The following PLEKHA8 variants were observed in gnomAD, a reference collection of about 807,000 sequenced individuals.
PLEKHA8 encodes the protein pleckstrin homology domain-containing family A member 8.
In PLEKHA8, 36 loss-of-function variants were observed where a neutral mutation model predicts 68.2. The ratio of observed to expected loss-of-function variants is 0.53; its 90% confidence interval spans 0.40 to 0.70. The LOEUF is 0.70. Ranked by LOEUF, PLEKHA8 falls within the 30% of genes least tolerant of loss-of-function variation. PLEKHA8 has a pLI of 0.00. For missense variants in PLEKHA8, 505 were observed against 615.4 expected (o/e 0.82, Z 1.90); for synonymous variants, 211 against 216.1 (o/e 0.98, Z 0.20).
At chr7:30,035,882 G>A (rs1335252575) in intron 1 of PLEKHA8, among the ~76,000 whole-genome samples, 1 of 151,732 alleles carries the variant, frequency 6.6e-6, no homozygotes, top group Non-Finnish European at 1.5e-5. Context: ...TCCTGACCTC[G>A]TGATCCACCC....
intron 13 of PLEKHA8, among the ~76,000 whole-genome samples, chr7:30,120,157 A>T (rs56204228): frequency 0.024 from 3,257 of 136,190 alleles, 42 homozygotes; most frequent in East Asian, 0.043. Context: ...ACAAATAATT[A>T]AAAAAAAAAA....
rs1275433378 is a variant in PLEKHA8 at position 30,083,489 on chromosome 7, G to A, written c.*4702G>A. On this transcript the variant is annotated 3_prime_UTR_variant, in exon 14 of 14. Transcript: ENST00000449726. ...TGTCTCAGACAGTCAATAGTCCTGT[G>A]TACAGTGACTATTTGCATGATTTCT... 1 of 984,580 alleles carries A rather than the reference G, an allele frequency of 1.0e-6. No individual in the cohort carries two copies. Among genetic ancestry groups the A allele is most frequent in the African/African-American group, 1.7e-5 (1 of 57,194 alleles). The allele number at this position is 984,580 out of a possible 1,614,324, so 61.0% of individuals were successfully genotyped here.
intron 13 of PLEKHA8, among the ~76,000 whole-genome samples, chr7:30,099,693 G>A (rs781504772): frequency 3.9e-5 from 6 of 152,308 alleles, no homozygotes; most frequent in Admixed American, 6.5e-5. Context: ...ATGCTGGACC[G>A]TAAAACAAAT....
At chr7:30,050,991 G>A (rs1393520587) in intron 6 of PLEKHA8, among the ~76,000 whole-genome samples, 2 of 151,900 alleles carry the variant, frequency 1.3e-5, no homozygotes, top group Admixed American at 6.6e-5. Context: ...CCTCAACATC[G>A]TGGGCCCAAG....
intron 13 of PLEKHA8, among the ~76,000 whole-genome samples, chr7:30,120,174 A>AAAC (rs1303379164): frequency 2.0e-5 from 3 of 151,816 alleles, no homozygotes; most frequent in African/African-American, 7.3e-5. Flanking sequence ...AAAAAACAAA[A>AAAC]AAAAAAACAG....
chr7:30,129,421 C>T, exon 14 of PLEKHA8: 1 of 1,172,602 alleles, frequency 8.5e-7, no homozygotes. Flanking sequence ...CACTGCCCAC[C>T]TCCAGATCTC....
At chr7:30,092,868 G>C (rs113215411), downstream of PLEKHA8, among the ~76,000 whole-genome samples, 1 of 152,286 alleles carries the variant, frequency 6.6e-6, no homozygotes, top group African/African-American at 2.4e-5. Context: ...ATAGAGATAC[G>C]ACATTTAGTC....
Position 30,079,020 on chromosome 7 carries a change from G to GTC in PLEKHA8, c.*233_*234insTC. On this transcript the variant is annotated 3_prime_UTR_variant, in exon 14 of 14. Coordinates refer to ENST00000449726, the MANE Select transcript of PLEKHA8 (RefSeq NM_001197026.2). ...AGGCCTACTGGAAACCAAATGATAA[G>GTC]CTGCTGTAGACTTGAACAGCAAGTT... is the stretch of plus-strand genomic sequence containing the variant. 1 of 1,297,276 alleles carries GTC rather than the reference G, an allele frequency of 7.7e-7. No individual in the cohort carries two copies. The highest frequency in any genetic ancestry group is 2.3e-5 in the South Asian group (1 of 43,374). The allele number at this position is 1,297,276 out of a possible 1,614,324, so 80.4% of individuals were successfully genotyped here. A position where few individuals can be genotyped will look rare whatever the true frequency, so the allele number is the denominator to read the frequency against.
At position 30,082,472 on chromosome 7, in the gene PLEKHA8, G is replaced by A; in HGVS notation, c.*3685G>A. 1.0e-6 allele frequency: 1 copy of A among 985,394 alleles called. No homozygotes were observed. The highest frequency in any genetic ancestry group is 1.7e-5 in the African/African-American group (1 of 57,342). 61.0% of individuals were successfully genotyped at this position (985,394 alleles called of 1,614,324 possible). On this transcript the variant is annotated 3_prime_UTR_variant, in exon 14 of 14. Transcript: ENST00000449726. Reference sequence around the variant, plus strand: ...CCAGACTGCAAGAGCTTCTTAAGAAGGAGCCCATATTCCCATTTGTAGCTG... The same window carrying A: ...CCAGACTGCAAGAGCTTCTTAAGAAAGAGCCCATATTCCCATTTGTAGCTG...
chr7:30,104,738 T>TTC (rs1795996917), intron 13 of PLEKHA8, among the ~76,000 whole-genome samples: 1 of 146,684 alleles, frequency 6.8e-6, no homozygotes, highest in Non-Finnish European at 1.5e-5. Context: ...TTTTTTTTTT[T>TTC]CTGAGGCAGA....
At chr7:30,123,799 G>C (rs1356689770) in intron 13 of PLEKHA8, among the ~76,000 whole-genome samples, 1 of 152,186 alleles carries the variant, frequency 6.6e-6, no homozygotes, top group Non-Finnish European at 1.5e-5. Context: ...TGGGCACCTA[G>C]ATTTAGCCAT....
chr7:30,041,090 C>G (rs1439973185), intron 1 of PLEKHA8, among the ~76,000 whole-genome samples: 1 of 152,194 alleles, frequency 6.6e-6, no homozygotes, highest in Non-Finnish European at 1.5e-5. Flanking sequence ...ATTCATCATT[C>G]CTGGGCTGTA....
intron 13 of PLEKHA8, chr7:30,115,885 CAT>C (rs1227121669): frequency 1.2e-4 from 18 of 144,310 alleles, no homozygotes; most frequent in South Asian, 4.4e-4. Context: ...GGCACGCATA[CAT>C]GCGTATACAT....
chr7:30,122,956 A>G (rs1796717621), intron 13 of PLEKHA8, among the ~76,000 whole-genome samples: 1 of 152,192 alleles, frequency 6.6e-6, no homozygotes, highest in Non-Finnish European at 1.5e-5. Context: ...CTCAGCTATC[A>G]TGAAACCCAC....
rs2128001090 is a variant in PLEKHA8 at position 30,083,029 on chromosome 7, T to C, written c.*4242T>C. 1.0e-6 allele frequency: 1 copy of C among 984,006 alleles called. No homozygotes were observed. The highest frequency in any genetic ancestry group is 5.3e-4 in the Middle Eastern group (1 of 1,904). The allele number at this position is 984,006 out of a possible 1,614,324, so 61.0% of individuals were successfully genotyped here. A position where few individuals can be genotyped will look rare whatever the true frequency, so the allele number is the denominator to read the frequency against. On this transcript the variant is annotated 3_prime_UTR_variant, in exon 14 of 14. Transcript: ENST00000449726. ...AGCTCTCCCTCATGTTTCATTTCTTTTTTTAAGATAATCTATCAACCTTTT... is the reference window on the plus strand; with the variant it reads ...AGCTCTCCCTCATGTTTCATTTCTTCTTTTAAGATAATCTATCAACCTTTT...
chr7:30,057,941 TG>T (rs1793126705), intron 9 of PLEKHA8, among the ~76,000 whole-genome samples: 1 of 152,246 alleles, frequency 6.6e-6, no homozygotes, highest in Non-Finnish European at 1.5e-5. Flanking sequence ...GTATTTTAGT[TG>T]TTTGACTTCT....
chr7:30,128,288 G>A (rs1796816234), intron 13 of PLEKHA8, among the ~76,000 whole-genome samples: 1 of 151,720 alleles, frequency 6.6e-6, no homozygotes, highest in East Asian at 1.9e-4. Flanking sequence ...TTATTTTTTT[G>A]TAGAGACAAG....
chr7:30,030,500 G>A (rs1168995113), intron 1 of PLEKHA8, among the ~76,000 whole-genome samples: 1 of 152,214 alleles, frequency 6.6e-6, no homozygotes, highest in African/African-American at 2.4e-5. Context: ...TTGGAAAAGA[G>A]TCTACTTTTT....
intron 13 of PLEKHA8, among the ~76,000 whole-genome samples, chr7:30,075,949 A>G (rs6976314): frequency 0.17 from 25,189 of 152,042 alleles, 2,115 homozygotes; most frequent in Middle Eastern, 0.22. Flanking sequence ...TGGTAGAAAG[A>G]GAAGAAATTA....
Sources: gnomAD v4.1 joint callset for allele counts (sites outside exome capture counted in the v4.1 genomes callset) on GRCh38, gnomAD v4.1.1 for gene constraint, MANE v1.5 for transcripts, NCBI Gene and HGNC (gene_info 2026-07-23, HGNC 2026-07-21) for gene names.